DNER: variants seen among roughly 807,000 people sequenced by gnomAD.
The protein encoded by DNER is delta and Notch-like epidermal growth factor-related receptor.
In DNER, 33 loss-of-function variants were observed where a neutral mutation model predicts 78.2. The ratio of observed to expected loss-of-function variants is 0.42; its 90% CI spans 0.32 to 0.56. The LOEUF (loss-of-function observed/expected upper bound fraction) is 0.56, where lower values mean the gene tolerates loss of function less well. Ranked by LOEUF, DNER falls within the 20% of genes least tolerant of loss-of-function variation. DNER has a pLI of 0.11. For missense variants in DNER, 918 were observed against 975.3 expected (o/e 0.94, Z 0.78); for synonymous variants, 417 against 384.8 (o/e 1.08, Z -0.98).
In DNER at chr2:229,546,892, C is replaced by T; in HGVS notation, c.993+55G>A. ...ACACACACATACTTATGTATTTATT[C>T]AGGTAAATATTCATGTAAATATGTG... On this transcript the variant is annotated intron_variant, in intron 5 of 12. Coordinates refer to ENST00000341772, the MANE Select transcript of DNER (RefSeq NM_139072.4). 4 of 1,606,752 alleles carry T rather than the reference C, an allele frequency of 2.5e-6. 1 individual carries two copies. The South Asian group carries it at 4.4e-5, about 18-fold the overall frequency.
chr2:229,710,972 T>C (rs563645085), intron 1 of DNER, among the ~76,000 whole-genome samples: 166 of 122,170 alleles, frequency 1.4e-3, no homozygotes, highest in African/African-American at 5.1e-3. Flanking sequence ...GAAAATGGCA[T>C]GCATACACGC....
At chr2:229,367,483 C>T (rs1236199792) in intron 11 of DNER, among the ~76,000 whole-genome samples, 5 of 152,066 alleles carry the variant, frequency 3.3e-5, no homozygotes, top group Admixed American at 2.6e-4. Context: ...TGTCTGTAAT[C>T]CCAGCTACTC....
intron 11 of DNER, among the ~76,000 whole-genome samples, chr2:229,385,699 T>C (rs1341953712): frequency 6.6e-6 from 1 of 152,134 alleles, no homozygotes; most frequent in East Asian, 1.9e-4. Flanking sequence ...GAGAGCCAAA[T>C]CATGAGTGAA....
chr2:229,582,689 G>C (rs1697424888), intron 4 of DNER, among the ~76,000 whole-genome samples: 1 of 152,132 alleles, frequency 6.6e-6, no homozygotes, highest in Admixed American at 6.5e-5. Context: ...GCCCAGGCTA[G>C]AGTGCAGTGG....
At chr2:229,457,308 CAAA>C (rs1370350779) in intron 7 of DNER, among the ~76,000 whole-genome samples, 2 of 151,616 alleles carry the variant, frequency 1.3e-5, no homozygotes, top group Non-Finnish European at 2.9e-5. Context: ...TGGTTAAAAG[CAAA>C]AAGAACATTG....
At chr2:229,467,362 T>G (rs935639691) in intron 7 of DNER, among the ~76,000 whole-genome samples, 2 of 152,186 alleles carry the variant, frequency 1.3e-5, no homozygotes, top group South Asian at 2.1e-4. Flanking sequence ...GAAATTAGAT[T>G]AGAAAAACAG....
intron 11 of DNER, among the ~76,000 whole-genome samples, chr2:229,368,191 T>C (rs567343284): frequency 6.6e-6 from 1 of 152,176 alleles, no homozygotes; most frequent in South Asian, 2.1e-4. Context: ...GGCAAAACCG[T>C]TTCTCTACAA....
intron 11 of DNER, among the ~76,000 whole-genome samples, chr2:229,377,019 T>C (rs534159762): frequency 6.6e-6 from 1 of 152,154 alleles, no homozygotes; most frequent in Non-Finnish European, 1.5e-5. Flanking sequence ...GGCCCCAGGA[T>C]GAGTTACTTT....
At chr2:229,596,796 G>A (rs1029016111) in intron 1 of DNER, among the ~76,000 whole-genome samples, 8 of 152,220 alleles carry the variant, frequency 5.3e-5, no homozygotes, top group Non-Finnish European at 8.8e-5. Context: ...TGACTGACAC[G>A]GAAGGCCAGG....
chr2:229,694,762 G>A (rs1187044228), intron 1 of DNER, among the ~76,000 whole-genome samples: 1 of 152,236 alleles, frequency 6.6e-6, no homozygotes, highest in African/African-American at 2.4e-5. Flanking sequence ...TGATTTTACA[G>A]GCTCATAGGC....
At chr2:229,491,916 A>G (rs998984780) in intron 6 of DNER, among the ~76,000 whole-genome samples, 1 of 151,972 alleles carries the variant, frequency 6.6e-6, no homozygotes, top group Non-Finnish European at 1.5e-5. Context: ...TCTCTTCAGA[A>G]CAACTTCCCC....
intron 10 of DNER, among the ~76,000 whole-genome samples, chr2:229,404,072 A>C (rs1693328372): frequency 6.6e-6 from 1 of 152,102 alleles, no homozygotes; most frequent in African/African-American, 2.4e-5. Flanking sequence ...ACCAGATAGG[A>C]AGGCTTGTAG....
intron 1 of DNER, among the ~76,000 whole-genome samples, chr2:229,654,764 T>A (rs1698885301): frequency 6.6e-6 from 1 of 152,204 alleles, no homozygotes; most frequent in Non-Finnish European, 1.5e-5. Flanking sequence ...CAAATTTTCC[T>A]GGCCAAATCA....
At chr2:229,544,279 C>G (rs1194136609) in intron 5 of DNER, among the ~76,000 whole-genome samples, 3 of 152,088 alleles carry the variant, frequency 2.0e-5, no homozygotes. Flanking sequence ...ATGTAAAGGG[C>G]AGGCTTGGCC....
intron 8 of DNER, among the ~76,000 whole-genome samples, chr2:229,430,738 G>A (rs1373722068): frequency 6.7e-6 from 1 of 150,304 alleles, no homozygotes; most frequent in African/African-American, 2.4e-5. Flanking sequence ...AGAGAACCCT[G>A]ACTAATACAC....
chr2:229,372,524 A>G (rs1249849547), intron 11 of DNER, among the ~76,000 whole-genome samples: 4 of 152,194 alleles, frequency 2.6e-5, no homozygotes, highest in African/African-American at 9.7e-5. Flanking sequence ...AGAGAGGCAG[A>G]GAGTGGCTGC....
chr2:229,467,578 G>T (rs1694831267), intron 7 of DNER, among the ~76,000 whole-genome samples: 1 of 152,136 alleles, frequency 6.6e-6, no homozygotes, highest in African/African-American at 2.4e-5. Context: ...TGATATTTTG[G>T]TCCAAGTGAA....
chr2:229,707,016 T>C (rs533650592), intron 1 of DNER, among the ~76,000 whole-genome samples: 10 of 152,066 alleles, frequency 6.6e-5, no homozygotes, highest in African/African-American at 2.4e-4. Context: ...TTTTTTTGTT[T>C]TGTGTTTTTT....
Position 229,640,083 on chromosome 2 carries a change from AGTACTT to A in DNER, c.277-48201_277-48196del, listed in dbSNP as rs1376315833. 2.0e-5 allele frequency among the ~76,000 whole-genome samples: 3 copies of A among 152,356 alleles called. No homozygotes were observed. In the East Asian group the frequency reaches 5.8e-4, roughly 29 times the overall value. On this transcript the variant is annotated intron_variant, in intron 1 of 12. Transcript: ENST00000341772. ...CTGATTTCTTTTCACAGCTTACAGGAGTACTTGTCCTTGCTACTGCACCACTGAAAT... is the reference window on the plus strand; with the variant it reads ...CTGATTTCTTTTCACAGCTTACAGGAGTCCTTGCTACTGCACCACTGAAAT...
Sources: allele counts gnomAD v4.1 joint callset (sites outside exome capture counted in the v4.1 genomes callset), GRCh38; gene constraint gnomAD v4.1.1; transcripts MANE v1.5; gene names NCBI Gene and HGNC (gene_info 2026-07-23, HGNC 2026-07-21).